SLF2: variants seen among roughly 807,000 people sequenced by gnomAD.
The protein encoded by SLF2 is SMC5/6 complex localization factor 2, also known as SMC5-SMC6 complex localization factor protein 2.
A neutral mutation model predicts 124.3 loss-of-function variants in SLF2; 68 were observed. The observed-to-expected ratio is 0.55, with a 90% confidence interval of 0.45 to 0.67. The LOEUF is 0.67. Among genes scored for constraint, SLF2 ranks in the 30% least tolerant of loss-of-function variants. The probability of loss-of-function intolerance (pLI) is 0.00; values close to 1 mark genes in which losing one functional copy is unlikely to be tolerated. For synonymous variants in SLF2, 480 were observed against 478.8 expected (o/e 1.00, Z -0.03); for missense variants, 1,246 against 1,373.7 (o/e 0.91, Z 1.47).
rs765013132 is a variant in SLF2, at chr10:100,950,711, C to T, written c.3288C>T (p.Val1096=). The change falls in exon 17 of 20, where the codon GTC becomes GTT. Residue 1096 remains valine, a synonymous_variant. Coordinates refer to ENST00000238961, the MANE Select transcript of SLF2 (RefSeq NM_018121.4). ...TGACCTACATTCTTCTTCATTTAGT[C>T]GGTGAAGTTAGTTGTTCTCATTCTT... The part of the protein sequence containing the change: ...YYLTYILLHL[V]GEVSCSHSFS... 6.8e-6 allele frequency: 11 copies of T among 1,613,878 alleles called. 1 individual carries two copies. Among genetic ancestry groups the T allele is most frequent in the Middle Eastern group, 1.7e-4 (1 of 6,054 alleles).
rs751558581 is a variant in SLF2 at position 100,924,300 on chromosome 10, G to T, written c.1299G>T (p.Glu433Asp). Residue 433 changes from glutamate (E) to aspartate (D), a missense_variant, in exon 5 of 20, where the codon GAG (glutamate) becomes GAT (aspartate). Around this residue, in one of 3 missense-constraint regions of SLF2, gnomAD observed 698 missense variants for 708.9 expected, o/e 0.98. Transcript: ENST00000238961. ...AAATCCAAGTGGCAGGTACCAAGGA[G>T]ACTAAGATGCAGAAACCCCACTTAC... ...SDQIQVAGTK[E>D]TKMQKPHLPL... The T allele has an allele frequency of 4.3e-6, 7 of 1,614,098 alleles. No individual in the cohort carries two copies. In the South Asian group the frequency reaches 7.7e-5, roughly 18 times the overall value.
At chr10:100,959,811 T>C (rs1175522655) in intron 19 of SLF2, among the ~76,000 whole-genome samples, 1 of 152,220 alleles carries the variant, frequency 6.6e-6, no homozygotes, top group Non-Finnish European at 1.5e-5. Context: ...TTTACCCACT[T>C]AACGTGTACA....
At chr10:100,953,508 A>C (rs1435802114) in intron 17 of SLF2, among the ~76,000 whole-genome samples, 1 of 151,508 alleles carries the variant, frequency 6.6e-6, no homozygotes, top group African/African-American at 2.4e-5. Flanking sequence ...ATATAAAGTA[A>C]AACCTGAAAG....
chr10:100,913,422 G>T, intron 1 of SLF2, 172 bp downstream of exon 1: 21 of 1,346,094 alleles, frequency 1.6e-5, no homozygotes, highest in Non-Finnish European at 2.0e-5. Context: ...CTGGGAGTTG[G>T]AGTTTGCTTC....
intron 4 of SLF2, among the ~76,000 whole-genome samples, chr10:100,920,443 G>A (rs2133758524): frequency 1.3e-5 from 2 of 152,146 alleles, no homozygotes; most frequent in East Asian, 3.9e-4. Flanking sequence ...ATTTTCAGAG[G>A]CTGACTTATG....
chr10:100,916,693 G>A lies in SLF2; in HGVS notation c.308G>A (p.Arg103Lys). The A allele has an allele frequency of 6.5e-7, 1 of 1,546,030 alleles. No individual in the cohort carries two copies. The highest frequency in any genetic ancestry group is 8.7e-7 in the Non-Finnish European group (1 of 1,154,152). ...TCACCAAAAGAATCTAAACCCAAAA[G>A]GGTGCCACCAGAAAAGAGCCCTATT... is the stretch of plus-strand genomic sequence containing the variant. ...LSSPKESKPKRVPPEKSPIIE... is the reference protein window; with the variant it reads ...LSSPKESKPKKVPPEKSPIIE... The change falls in exon 3 of 20, where the codon AGG (arginine) becomes AAG (lysine). Residue 103 changes from arginine to lysine, a missense_variant. This residue lies in a region of SLF2 where 698 missense variants were observed against 708.9 expected (regional missense o/e 0.98). Coordinates refer to ENST00000238961, the MANE Select transcript of SLF2 (RefSeq NM_018121.4).
Position 100,924,307 on chromosome 10 carries a change from A to G in SLF2, c.1306A>G (p.Met436Val), listed in dbSNP as rs2133766987. The G allele has an allele frequency of 3.1e-6, 5 of 1,614,144 alleles. No homozygotes were observed. In the South Asian group the frequency reaches 5.5e-5, roughly 18 times the overall value. ...AGTGGCAGGTACCAAGGAGACTAAG[A>G]TGCAGAAACCCCACTTACCTTTATC... Reference protein sequence around the residue: ...IQVAGTKETKMQKPHLPLSQE... With the variant: ...IQVAGTKETKVQKPHLPLSQE... Residue 436 changes from methionine to valine, a missense_variant, in exon 5 of 20, where the codon ATG (methionine) becomes GTG (valine). By Grantham distance (21) the Met-to-Val change is conservative. Coordinates refer to ENST00000238961, the MANE Select transcript of SLF2 (RefSeq NM_018121.4).
At position 100,950,100 on chromosome 10, in the gene SLF2, G is replaced by C. The variant is rs1396764476; in HGVS notation, c.3145G>C (p.Val1049Leu). 6.2e-7 allele frequency: 1 copy of C among 1,613,150 alleles called. No homozygotes were observed. Among genetic ancestry groups the C allele is most frequent in the South Asian group, 1.1e-5 (1 of 90,938 alleles). The change falls in exon 16 of 20, where the codon GTG (valine) becomes CTG (leucine). Residue 1049 changes from valine to leucine, a missense_variant. Coordinates refer to ENST00000238961, the MANE Select transcript of SLF2 (RefSeq NM_018121.4). ...GGTATCAGTCCTACATCGCTATCTTGTGCAGATGAAGCCTTCTGATTTGTT... is the reference window on the plus strand; with the variant it reads ...GGTATCAGTCCTACATCGCTATCTTCTGCAGATGAAGCCTTCTGATTTGTT... ...LQVSVLHRYL[V>L]QMKPSDLLKK...
In SLF2 at chr10:100,928,079, C is replaced by CA. The variant is rs1564774100; in HGVS notation, c.2043-1237dup. On this transcript the variant is annotated intron_variant, in intron 6 of 19. Coordinates refer to ENST00000238961, the MANE Select transcript of SLF2 (RefSeq NM_018121.4). ...CACACACACACACACGAGAGAGAGA[C>CA]AGAGAGAGAGAGAGAGAGAGAGAGA... Among the ~76,000 whole-genome samples, 162 of 113,036 alleles carry CA rather than the reference C, an allele frequency of 1.4e-3. 29 individuals are homozygous for CA. The highest frequency in any genetic ancestry group is 2.2e-3 in the Non-Finnish European group (129 of 59,008). 74.2% of individuals were successfully genotyped at this position (113,036 alleles called of 152,430 possible). A position where few individuals can be genotyped will look rare whatever the true frequency, so the allele number is the denominator to read the frequency against.
intron 8 of SLF2, among the ~76,000 whole-genome samples, chr10:100,930,357 C>T (rs983830307): frequency 5.9e-5 from 9 of 152,214 alleles, no homozygotes; most frequent in Non-Finnish European, 4.4e-5. Context: ...TTCTTAGCAC[C>T]TAGCTTCGGG....
chr10:100,917,178 A>T lies in SLF2; in HGVS notation c.793A>T (p.Asn265Tyr). ...EQMEQRINSE[N>Y]SFSEASSLSL... ...AATGGAGCAGAGAATCAACTCCGAG[A>T]ATTCTTTCTCAGAAGCAAGCAGTCT... The change falls in exon 3 of 20, where the codon AAT becomes TAT. Residue 265 changes from asparagine (N) to tyrosine (Y), a missense_variant. By Grantham distance (143) the Asn-to-Tyr change is moderately radical. Around this residue, in one of 3 missense-constraint regions of SLF2, gnomAD observed 698 missense variants for 708.9 expected, o/e 0.98. Coordinates refer to ENST00000238961, the MANE Select transcript of SLF2 (RefSeq NM_018121.4). 1 of 1,614,198 alleles carries T rather than the reference A, an allele frequency of 6.2e-7. No homozygotes were observed. Among genetic ancestry groups the T allele is most frequent in the South Asian group, 1.1e-5 (1 of 91,080 alleles).
intron 16 of SLF2, 34 bp from the exon 17 acceptor site, chr10:100,950,642 T>A: frequency 6.5e-7 from 1 of 1,527,228 alleles, no homozygotes; most frequent in Non-Finnish European, 9.1e-7. Flanking sequence ...GCTAGCTAAT[T>A]CATAGGTGTT....
At chr10:100,943,465 T>A (rs1298962710) in intron 11 of SLF2, among the ~76,000 whole-genome samples, 1 of 152,212 alleles carries the variant, frequency 6.6e-6, no homozygotes, top group Non-Finnish European at 1.5e-5. Context: ...CATATAAAAG[T>A]ATTATTTTTT....
chr10:100,916,053 T>C lies in SLF2; in HGVS notation c.184+11T>C. On this transcript the variant is annotated intron_variant, in intron 2 of 19. Coordinates refer to ENST00000238961, the MANE Select transcript of SLF2 (RefSeq NM_018121.4). ...CAGCTTCAAAACAAGGTATGTACACTGTTGATGCATTTTTTGTGGGCTATT... is the reference window on the plus strand; with the variant it reads ...CAGCTTCAAAACAAGGTATGTACACCGTTGATGCATTTTTTGTGGGCTATT... 2.5e-6 allele frequency: 4 copies of C among 1,604,218 alleles called. No individual in the cohort carries two copies. The highest frequency in any genetic ancestry group is 3.4e-6 in the Non-Finnish European group (4 of 1,173,608).
chr10:100,929,358 A>G lies in SLF2; in HGVS notation c.2084A>G (p.Gln695Arg). 1 of 1,613,276 alleles carries G rather than the reference A, an allele frequency of 6.2e-7. No individual in the cohort carries two copies. The highest frequency in any genetic ancestry group is 1.1e-5 in the South Asian group (1 of 91,022). Residue 695 changes from glutamine to arginine, a missense_variant, in exon 7 of 20, where the codon CAA becomes CGA. Around this residue, in one of 3 missense-constraint regions of SLF2, gnomAD observed 535 missense variants for 632.8 expected, o/e 0.85. Coordinates refer to ENST00000238961, the MANE Select transcript of SLF2 (RefSeq NM_018121.4). The part of the protein sequence containing the change: ...LQKQLQEDIR[Q>R]GRGIKSPIRI... ...AAGCAACTACAAGAAGACATAAGGC[A>G]AGGCCGAGGCATTAAATCCCCAATC... is the stretch of plus-strand genomic sequence containing the variant.
intron 11 of SLF2, among the ~76,000 whole-genome samples, chr10:100,940,047 C>T (rs1054266529): frequency 6.6e-6 from 1 of 152,206 alleles, no homozygotes; most frequent in Non-Finnish European, 1.5e-5. Flanking sequence ...TGTTCTTAAA[C>T]ACTTACATTT....
At position 100,944,076 on chromosome 10, in the gene SLF2, A is replaced by G; in HGVS notation, c.2705A>G (p.Tyr902Cys). The G allele has an allele frequency of 6.2e-7, 1 of 1,613,136 alleles. No homozygotes were observed. The highest frequency in any genetic ancestry group is 1.1e-5 in the South Asian group (1 of 90,784). Residue 902 changes from tyrosine to cysteine, a missense_variant, in exon 12 of 20, where the codon TAT becomes TGT. This residue lies in a region of SLF2 where 535 missense variants were observed against 632.8 expected (regional missense o/e 0.85). Transcript: ENST00000238961. ...GGGAAAGAAAGTGAAGATTCATCTT[A>G]TAAGCCAATTTTTTCAACACTTCCT... is the stretch of plus-strand genomic sequence containing the variant. The part of the protein sequence containing the change: ...SRGKESEDSS[Y>C]KPIFSTLPET...
chr10:100,952,546 C>CAA (rs1189289965), intron 17 of SLF2, among the ~76,000 whole-genome samples: 1 of 81,708 alleles, frequency 1.2e-5, no homozygotes, highest in Non-Finnish European at 2.6e-5. Context: ...GACTCCACCT[C>CAA]AAAAAAAAAA....
At chr10:100,927,358 C>T (rs1230565225) in intron 6 of SLF2, among the ~76,000 whole-genome samples, 2 of 152,100 alleles carry the variant, frequency 1.3e-5, no homozygotes, top group Non-Finnish European at 2.9e-5. Flanking sequence ...TGTCCTTTTA[C>T]GACTGTTTAT....
Sources: allele counts gnomAD v4.1 joint callset (sites outside exome capture counted in the v4.1 genomes callset), GRCh38; gene constraint gnomAD v4.1.1; regional missense constraint gnomAD v4.1.1; transcripts MANE v1.5; gene names NCBI Gene and HGNC (gene_info 2026-07-23, HGNC 2026-07-21).